Variants in THRB observed in about 807,000 individuals in gnomAD.
THRB encodes thyroid hormone receptor beta, also known as nuclear receptor subfamily 1 group A member 2.
A neutral mutation model predicts 47.8 loss-of-function variants in THRB; 12 were observed. The observed-to-expected ratio is 0.25, with a 90% CI of 0.16 to 0.41. THRB has a LOEUF of 0.41. Among genes scored for constraint, THRB ranks in the 10% least tolerant of loss-of-function variants. The pLI, the probability that THRB is intolerant of heterozygous loss-of-function variation, is 1.00. For missense variants in THRB, 348 were observed against 589.2 expected, an observed-to-expected ratio of 0.59 and a Z score of 4.24; for synonymous variants, 218 against 212.2, an observed-to-expected ratio of 1.03 and a Z score of -0.24.
intron 1 of THRB, chr3:24,486,565 A>G (rs1178147001): frequency 6.6e-6 from 1 of 152,230 alleles, no homozygotes; most frequent in African/African-American, 2.4e-5. Flanking sequence ...TGTGCACCAC[A>G]TTCTAGTGCA....
chr3:24,411,659 G>A lies in THRB; in HGVS notation c.-260-74288C>T, dbSNP rs192196033. Among the ~76,000 whole-genome samples the A allele has an allele frequency of 5.1e-3, 769 of 151,890 alleles. 5 individuals carry two copies. Among genetic ancestry groups the A allele is most frequent in the Non-Finnish European group, 8.2e-3 (555 of 67,844 alleles). The stretch of plus-strand genomic sequence containing the variant: ...GAATCAATAACTCTCAGTGGGGACA[G>A]TTTTGTCCCACAAGAGACATTTGGC... On this transcript the variant is annotated intron_variant, in intron 1 of 10. Transcript: ENST00000646209.
In THRB at chr3:24,292,097, G is replaced by A. The variant is rs1037048295; in HGVS notation, c.-43+5129C>T. Among the ~76,000 whole-genome samples, 20 of 152,144 alleles carry A rather than the reference G, an allele frequency of 1.3e-4. 2 individuals are homozygous for A. Among genetic ancestry groups the A allele is most frequent in the Admixed American group, 1.2e-3 (18 of 15,272 alleles). On this transcript the variant is annotated intron_variant, in intron 3 of 10. Transcript: ENST00000646209. ...GTTATATAGAGAGGTATGAAAAGGT[G>A]CCAAATTTTATTATTTAAGGAAAAA...
chr3:24,345,781 C>T lies in THRB; in HGVS notation c.-260-8410G>A, dbSNP rs115479268. On this transcript the variant is annotated intron_variant, in intron 1 of 10. Coordinates refer to ENST00000646209, the MANE Select transcript of THRB (RefSeq NM_001354712.2). ...TAAGTGCCCCTAGAGTTATGCTCCA[C>T]ATTTAAAGTGTCAAACTGGGACACT... is the stretch of plus-strand genomic sequence containing the variant. Among the ~76,000 whole-genome samples the T allele has an allele frequency of 9.8e-3, 1,495 of 152,136 alleles. 26 individuals are homozygous for T. Among genetic ancestry groups the T allele is most frequent in the African/African-American group, 0.035 (1,439 of 41,516 alleles).
At chr3:24,294,270 G>A (rs1432018432) in intron 3 of THRB, among the ~76,000 whole-genome samples, 1 of 152,216 alleles carries the variant, frequency 6.6e-6, no homozygotes, top group African/African-American at 2.4e-5. Context: ...GGACATCCTG[G>A]ATGTTGTAGC....
At chr3:24,280,601 A>AG (rs1166326594) in intron 3 of THRB, among the ~76,000 whole-genome samples, 6 of 152,236 alleles carry the variant, frequency 3.9e-5, no homozygotes, top group African/African-American at 1.4e-4. Context: ...GACTTTGACA[A>AG]GCTGAGAGAA....
chr3:24,420,743 G>A (rs925025145), intron 1 of THRB, among the ~76,000 whole-genome samples: 1 of 151,876 alleles, frequency 6.6e-6, no homozygotes, highest in Non-Finnish European at 1.5e-5. Flanking sequence ...CACATGCACT[G>A]TCGGTGGGAA....
intron 5 of THRB, among the ~76,000 whole-genome samples, chr3:24,157,864 A>AG (rs1559476038): frequency 6.6e-6 from 1 of 152,204 alleles, no homozygotes; most frequent in Non-Finnish European, 1.5e-5. Flanking sequence ...GTTTGGGCAT[A>AG]GTATAGTTTA....
At chr3:24,421,754 G>T (rs950186261) in intron 1 of THRB, among the ~76,000 whole-genome samples, 1 of 151,870 alleles carries the variant, frequency 6.6e-6, no homozygotes, top group African/African-American at 2.4e-5. Flanking sequence ...TGATGATGAT[G>T]CTATTAATGA....
chr3:24,133,506 G>A, intron 8 of THRB, 44 bp from the exon 9 acceptor site: 2 of 1,580,394 alleles, frequency 1.3e-6, no homozygotes, highest in Non-Finnish European at 1.7e-6. Context: ...GAAGTTGAAG[G>A]GAGCTTTATT....
intron 5 of THRB, among the ~76,000 whole-genome samples, chr3:24,188,805 CTT>C (rs1225232949): frequency 4.9e-5 from 7 of 143,746 alleles, no homozygotes; most frequent in African/African-American, 1.9e-4. Flanking sequence ...CTTTGAAAAA[CTT>C]TATTTTGCTT....
chr3:24,415,428 A>G (rs1348441866), intron 1 of THRB, among the ~76,000 whole-genome samples: 1 of 151,890 alleles, frequency 6.6e-6, no homozygotes, highest in Admixed American at 6.6e-5. Flanking sequence ...TAAGGAATCT[A>G]TCCCCTTTTG....
At chr3:24,302,913 AGACTT>A (rs2057053265) in intron 2 of THRB, among the ~76,000 whole-genome samples, 1 of 152,236 alleles carries the variant, frequency 6.6e-6, no homozygotes, top group East Asian at 1.9e-4. Flanking sequence ...GCTATAAAGA[AGACTT>A]ACTGATTTTT....
At chr3:24,346,348 A>T (rs1032554895) in intron 1 of THRB, among the ~76,000 whole-genome samples, 1 of 152,076 alleles carries the variant, frequency 6.6e-6, no homozygotes, top group Non-Finnish European at 1.5e-5. Flanking sequence ...TAAATGACTA[A>T]CAAGCCAGTA....
intron 1 of THRB, 185 bp downstream of exon 1, chr3:24,494,467 G>C (rs1698718952): frequency 6.6e-6 from 1 of 152,168 alleles, no homozygotes; most frequent in Non-Finnish European, 1.5e-5. Flanking sequence ...CCCAGATCCG[G>C]GGCGCAGAAG....
At chr3:24,299,587 G>C (rs1270973555) in intron 2 of THRB, among the ~76,000 whole-genome samples, 1 of 151,862 alleles carries the variant, frequency 6.6e-6, no homozygotes, top group Non-Finnish European at 1.5e-5. Context: ...AGATTACCAA[G>C]TGTAACTGCA....
At chr3:24,442,911 G>A (rs907578492) in intron 1 of THRB, among the ~76,000 whole-genome samples, 2 of 151,216 alleles carry the variant, frequency 1.3e-5, no homozygotes, top group Admixed American at 6.6e-5. Flanking sequence ...TGCTGGGCAC[G>A]GTGGCTCACG....
rs1305165180 is a variant in THRB, at chr3:24,269,392, C to T, written c.-43+27834G>A. 1.4e-3 allele frequency among the ~76,000 whole-genome samples: 30 copies of T among 21,244 alleles called. 1 individual carries two copies. Among genetic ancestry groups the T allele is most frequent in the Non-Finnish European group, 8.4e-4 (7 of 8,378 alleles). 13.9% of individuals were successfully genotyped at this position (21,244 alleles called of 152,430 possible). A position where few individuals can be genotyped will look rare whatever the true frequency, so the allele number is the denominator to read the frequency against. On this transcript the variant is annotated intron_variant, in intron 3 of 10. Coordinates refer to ENST00000646209, the MANE Select transcript of THRB (RefSeq NM_001354712.2). ...CATAGCTCATCATAGCTCACACGCG[C>T]GCGCGCGCGCGCACACACACACACA...
At chr3:24,202,423 C>A (rs1484762435) in intron 4 of THRB, among the ~76,000 whole-genome samples, 1 of 152,068 alleles carries the variant, frequency 6.6e-6, no homozygotes, top group Non-Finnish European at 1.5e-5. Flanking sequence ...ATTAACCAAA[C>A]AAGAGACAGC....
intron 3 of THRB, among the ~76,000 whole-genome samples, chr3:24,296,186 A>G (rs976000242): frequency 6.6e-6 from 1 of 152,220 alleles, no homozygotes; most frequent in African/African-American, 2.4e-5. Flanking sequence ...CTTAGAATTA[A>G]CTATAAGCAT....
Sources: gnomAD v4.1 joint callset for allele counts (sites outside exome capture counted in the v4.1 genomes callset) on GRCh38, gnomAD v4.1.1 for gene constraint, MANE v1.5 for transcripts, NCBI Gene and HGNC (gene_info 2026-07-23, HGNC 2026-07-21) for gene names.